The following WNK2 variants were observed in gnomAD, a reference collection of about 807,000 sequenced individuals.
The protein encoded by WNK2 is serine/threonine-protein kinase WNK2.
Under a neutral mutation model 192.1 loss-of-function variants are expected in WNK2, and 67 were observed. The observed-to-expected ratio is 0.35, with a 90% CI of 0.29 to 0.43. The LOEUF (loss-of-function observed/expected upper bound fraction) is 0.43, where lower values mean the gene tolerates loss of function less well. Ranked by LOEUF, WNK2 falls within the 20% of genes least tolerant of loss-of-function variation. WNK2 has a pLI of 1.00. For synonymous variants in WNK2, 1,439 were observed against 1,393.9 expected (o/e 1.03, Z -0.72); for missense variants, 2,698 against 3,089.7 (o/e 0.87, Z 3.01).
chr9:93,302,279 G>T (rs1851740039), intron 26 of WNK2, among the ~76,000 whole-genome samples: 1 of 152,190 alleles, frequency 6.6e-6, no homozygotes, highest in Non-Finnish European at 1.5e-5. Flanking sequence ...CAGGCTTGGA[G>T]GCCAGGAGGG....
chr9:93,264,527 C>T (rs1304347180), intron 16 of WNK2, among the ~76,000 whole-genome samples: 3 of 151,414 alleles, frequency 2.0e-5, no homozygotes, highest in Non-Finnish European at 4.4e-5. Context: ...AGTCCATGAG[C>T]ACCTTGTAGG....
chr9:93,297,099 C>G (rs1440306558), intron 23 of WNK2, among the ~76,000 whole-genome samples: 1 of 145,958 alleles, frequency 6.9e-6, no homozygotes, highest in African/African-American at 2.6e-5. Flanking sequence ...CTCCCCTCGG[C>G]TTCCTCCCCT....
chr9:93,288,755 C>T, intron 19 of WNK2, 33 bp from the exon 20 acceptor site: 1 of 1,573,768 alleles, frequency 6.4e-7, no homozygotes, highest in Non-Finnish European at 8.6e-7. Flanking sequence ...CTGGAGTACC[C>T]TGGTACAAAG....
intron 12 of WNK2, 65 bp from the exon 13 acceptor site, chr9:93,261,749 G>A (rs1015315448): frequency 1.8e-5 from 27 of 1,528,210 alleles, no homozygotes; most frequent in Non-Finnish European, 2.4e-5. Flanking sequence ...AGACACACCT[G>A]GGCACGGCCC....
rs770527649 is a variant in WNK2 at position 93,261,855 on chromosome 9, C to T, written c.3108C>T (p.Ala1036=). ...GHPAPYAVDV[A]AQVPTVPVPP... Reference sequence around the variant, plus strand: ...CAGCTCCCTATGCTGTGGACGTCGCCGCTCAGGTCCCCACCGTGCCTGTGC... The same window carrying T: ...CAGCTCCCTATGCTGTGGACGTCGCTGCTCAGGTCCCCACCGTGCCTGTGC... Residue 1036 remains alanine (A), a synonymous_variant, in exon 13 of 30, where the codon GCC becomes GCT. Coordinates refer to ENST00000427277, the MANE Select transcript of WNK2 (RefSeq NM_006648.4). 9.4e-6 allele frequency: 15 copies of T among 1,598,728 alleles called. No individual in the cohort carries two copies. The highest frequency in any genetic ancestry group is 1.6e-4 in the Middle Eastern group (1 of 6,076).
intron 7 of WNK2, among the ~76,000 whole-genome samples, chr9:93,243,286 G>C (rs1273702396): frequency 6.6e-6 from 1 of 152,200 alleles, no homozygotes; most frequent in East Asian, 1.9e-4. Flanking sequence ...TCCACACGGA[G>C]ACTTGGCCTC....
intron 17 of WNK2, 30 bp from the exon 18 acceptor site, chr9:93,267,990 G>A (rs373240373): frequency 2.5e-6 from 4 of 1,608,850 alleles, no homozygotes; most frequent in African/African-American, 2.7e-5. Flanking sequence ...CAGCTCAGTG[G>A]GCTCATTTCT....
chr9:93,201,269 T>G (rs2131258059), intron 2 of WNK2, among the ~76,000 whole-genome samples: 1 of 152,324 alleles, frequency 6.6e-6, no homozygotes, highest in South Asian at 2.1e-4. Flanking sequence ...TGGGGCTGTC[T>G]GGGCTGAGAC....
At position 93,211,089 on chromosome 9, in the gene WNK2, CTCAT is replaced by C. The variant is rs1365127637; in HGVS notation, c.682-18603_682-18600del. 1.3e-4 allele frequency among the ~76,000 whole-genome samples: 20 copies of C among 152,128 alleles called. No homozygotes were observed. In the South Asian group the frequency reaches 4.1e-3, roughly 32 times the overall value. On this transcript the variant is annotated intron_variant, in intron 2 of 29. Transcript: ENST00000427277. ...ACTCATTCACACACTCACACATTTA[CTCAT>C]TCACTCACTCATCCACTCACTCACT...
At chr9:93,208,604 C>CTT (rs1833828894) in intron 2 of WNK2, among the ~76,000 whole-genome samples, 1 of 47,428 alleles carries the variant, frequency 2.1e-5, no homozygotes, top group African/African-American at 6.4e-5. Flanking sequence ...TATTCGTGTC[C>CTT]TGTGTGTTCT....
At chr9:93,306,609 C>G in intron 26 of WNK2, 168 bp from the exon 27 acceptor site, 1 of 821,722 alleles carries the variant, frequency 1.2e-6, no homozygotes, top group Non-Finnish European at 2.0e-6. Context: ...CACCCTCTCT[C>G]CAGGGGCTGC....
intron 25 of WNK2, among the ~76,000 whole-genome samples, chr9:93,299,731 G>A (rs1207064067): frequency 6.6e-6 from 1 of 152,206 alleles, no homozygotes; most frequent in Non-Finnish European, 1.5e-5. Context: ...TCTCGTCAAC[G>A]CTGCGTGGAC....
chr9:93,187,371 C>A (rs1461694712), intron 2 of WNK2, among the ~76,000 whole-genome samples: 1 of 152,122 alleles, frequency 6.6e-6, no homozygotes, highest in Non-Finnish European at 1.5e-5. Flanking sequence ...TGCTTCTGGT[C>A]TATATGCTTT....
At position 93,278,400 on chromosome 9, in the gene WNK2, C is replaced by T. The variant is rs79482028; in HGVS notation, c.4033+9654C>T. On this transcript the variant is annotated intron_variant, in intron 19 of 29. Coordinates refer to ENST00000427277, the MANE Select transcript of WNK2 (RefSeq NM_006648.4). The stretch of plus-strand genomic sequence containing the variant: ...CACGAAGGATCAGAGGGAGTGGACC[C>T]GGGAACTCACACAGGCCTGGGAATG... Among the ~76,000 whole-genome samples, 914 of 152,290 alleles carry T rather than the reference C, an allele frequency of 6.0e-3. 2 individuals are homozygous for T. Among genetic ancestry groups the T allele is most frequent in the Non-Finnish European group, 8.4e-3 (569 of 68,020 alleles).
chr9:93,185,529 G>A lies in WNK2; in HGVS notation c.600G>A (p.Glu200=), dbSNP rs1231487424. Reference sequence around the variant, plus strand: ...GCCGCTTCCTCAAGTTCGACATCGAGCTGGGCCGCGGTTCCTTCAAGACGG... The same window carrying A: ...GCCGCTTCCTCAAGTTCGACATCGAACTGGGCCGCGGTTCCTTCAAGACGG... ...LDGRFLKFDI[E]LGRGSFKTVY... The change falls in exon 2 of 30, where the codon GAG becomes GAA. Residue 200 remains glutamate, a synonymous_variant. Transcript: ENST00000427277. 1 of 1,613,016 alleles carries A rather than the reference G, an allele frequency of 6.2e-7. No individual in the cohort carries two copies. Among genetic ancestry groups the A allele is most frequent in the East Asian group, 2.2e-5 (1 of 44,862 alleles).
In WNK2 at chr9:93,259,361, C is replaced by T. The variant is rs2132867989; in HGVS notation, c.2813C>T (p.Thr938Ile). The T allele has an allele frequency of 6.2e-7, 1 of 1,612,548 alleles. No individual in the cohort carries two copies. The highest frequency in any genetic ancestry group is 8.5e-7 in the Non-Finnish European group (1 of 1,179,448). ...PHHTVQNMRA[T>I]PPQPALPPQP... ...CACACGGTGCAGAATATGAGGGCCACCCCTCCACAGCCGGCACTGCCTCCA... is the reference window on the plus strand; with the variant it reads ...CACACGGTGCAGAATATGAGGGCCATCCCTCCACAGCCGGCACTGCCTCCA... The change falls in exon 12 of 30, where the codon ACC (threonine) becomes ATC (isoleucine). Residue 938 changes from threonine to isoleucine, a missense_variant. Thr to Ile is a moderately conservative substitution (Grantham distance 89). Coordinates refer to ENST00000427277, the MANE Select transcript of WNK2 (RefSeq NM_006648.4). The surrounding 1 kb of genome is among the most constrained non-coding windows in gnomAD (Gnocchi z 4.8).
chr9:93,216,293 C>G (rs986884551), intron 2 of WNK2, among the ~76,000 whole-genome samples: 2 of 152,048 alleles, frequency 1.3e-5, no homozygotes, highest in African/African-American at 4.8e-5. Flanking sequence ...GTAATGTGAG[C>G]CACAAATGTG....
In WNK2 at chr9:93,229,819, C is replaced by A. The variant is rs375860343; in HGVS notation, c.805C>A (p.Arg269=). The A allele has an allele frequency of 5.0e-6, 8 of 1,613,824 alleles. No individual in the cohort carries two copies. In the African/African-American group the frequency reaches 8.0e-5, roughly 16 times the overall value. The change falls in exon 3 of 30, where the codon CGG becomes AGG. Residue 269 remains arginine, a synonymous_variant. Coordinates refer to ENST00000427277, the MANE Select transcript of WNK2 (RefSeq NM_006648.4). The surrounding 1 kb of genome is among the most constrained non-coding windows in gnomAD (Gnocchi z 4.9). ...DFWESSAKGK[R]CIVLVTELMT... is the part of the protein sequence containing the mutation. ...CTGGGAGTCCAGCGCCAAGGGCAAGCGGTGCATTGTGCTGGTGACGGAGCT... is the reference window on the plus strand; with the variant it reads ...CTGGGAGTCCAGCGCCAAGGGCAAGAGGTGCATTGTGCTGGTGACGGAGCT...
chr9:93,200,745 C>T (rs1476101616), intron 2 of WNK2, among the ~76,000 whole-genome samples: 1 of 152,092 alleles, frequency 6.6e-6, no homozygotes, highest in East Asian at 1.9e-4. Context: ...GTGGTGGTTG[C>T]AGGTGGGTTC....
Sources: gnomAD v4.1 joint callset for allele counts (sites outside exome capture counted in the v4.1 genomes callset) on GRCh38, gnomAD v4.1.1 for gene constraint, Gnocchi (gnomAD v3.1) non-coding constraint, MANE v1.5 for transcripts, NCBI Gene and HGNC (gene_info 2026-07-23, HGNC 2026-07-21) for gene names.